CDK5RAP2: variants seen among roughly 807,000 people sequenced by gnomAD.
CDK5RAP2 encodes CDK5 regulatory subunit associated protein 2.
In CDK5RAP2, 147 loss-of-function variants were observed where a neutral mutation model predicts 232.9. That is an observed-to-expected ratio of 0.63 (90% confidence interval 0.55 to 0.72). The LOEUF is 0.72. Among genes scored for constraint, CDK5RAP2 ranks in the 30% least tolerant of loss-of-function variants. The pLI is 0.00. For missense variants in CDK5RAP2, 2,195 were observed against 2,231.5 expected (o/e 0.98, Z 0.33); for synonymous variants, 833 against 833.7 (o/e 1.00, Z 0.01).
Position 120,403,785 on chromosome 9 carries a change from T to TCA in CDK5RAP2, c.5041+249_5041+250dup. 1 of 536,364 alleles carries TCA rather than the reference T, an allele frequency of 1.9e-6. No individual in the cohort carries two copies. 33.2% of individuals were successfully genotyped at this position (536,364 alleles called of 1,614,324 possible). ...TGGATCCTGGAGGGCCTTGAAAGCC[T>TCA]CACAAAGGTGGTCACAATTTTAATC... On this transcript the variant is annotated intron_variant, in intron 33 of 37. Coordinates refer to ENST00000349780, the MANE Select transcript of CDK5RAP2 (RefSeq NM_018249.6). This position sits in a 1 kb window ranked among gnomAD's most constrained non-coding sequence, Gnocchi z 4.2.
At chr9:120,506,751 A>T (rs1331177972) in intron 12 of CDK5RAP2, among the ~76,000 whole-genome samples, 1 of 152,220 alleles carries the variant, frequency 6.6e-6, no homozygotes, top group Non-Finnish European at 1.5e-5. Context: ...GAATTGCTGC[A>T]ATCTCATGAT....
At position 120,439,562 on chromosome 9, in the gene CDK5RAP2, C is replaced by A. The variant is rs372855873; in HGVS notation, c.3559G>T (p.Gly1187Cys). ...TCAATCATCTCTGGGGCCAGCGGACCGAGGATTTTCACGTGTTTCACGTAT... is the reference window on the plus strand; with the variant it reads ...TCAATCATCTCTGGGGCCAGCGGACAGAGGATTTTCACGTGTTTCACGTAT... ...VRYVKHVKIL[G>C]PLAPEMIDSR... is the part of the protein sequence containing the mutation. Residue 1187 changes from glycine (G) to cysteine (C), a missense_variant, in exon 24 of 38, where the codon GGT (glycine) becomes TGT (cysteine). Physicochemically the swap from Gly to Cys is radical, Grantham distance 159 (BLOSUM62 -3). Coordinates refer to ENST00000349780, the MANE Select transcript of CDK5RAP2 (RefSeq NM_018249.6). 1.2e-6 allele frequency: 2 copies of A among 1,614,204 alleles called. No homozygotes were observed. Among genetic ancestry groups the A allele is most frequent in the Non-Finnish European group, 1.7e-6 (2 of 1,180,040 alleles).
intron 28 of CDK5RAP2, among the ~76,000 whole-genome samples, chr9:120,412,431 T>C (rs1250608236): frequency 6.6e-6 from 1 of 152,194 alleles, no homozygotes; most frequent in Non-Finnish European, 1.5e-5. Flanking sequence ...CTCTGGCCAA[T>C]TGGGCCTGAC....
intron 25 of CDK5RAP2, among the ~76,000 whole-genome samples, chr9:120,424,783 T>C (rs981514970): frequency 8.6e-5 from 13 of 150,732 alleles, no homozygotes; most frequent in African/African-American, 2.2e-4. Context: ...TACTGCAACC[T>C]CTGCCTCCTG....
intron 35 of CDK5RAP2, among the ~76,000 whole-genome samples, chr9:120,399,258 C>T (rs1361503353): frequency 6.6e-6 from 1 of 152,066 alleles, no homozygotes; most frequent in Non-Finnish European, 1.5e-5. Context: ...GTCTATGTAA[C>T]AGTTACTACA....
intron 21 of CDK5RAP2, among the ~76,000 whole-genome samples, chr9:120,449,879 AAGCGG>A (rs1236167697): frequency 6.6e-6 from 1 of 152,238 alleles, no homozygotes; most frequent in Non-Finnish European, 1.5e-5. Context: ...AGTGTTGATG[AAGCGG>A]AGAAATTGGA....
intron 23 of CDK5RAP2, chr9:120,440,353 G>A (rs1270725289): frequency 6.9e-6 from 2 of 291,882 alleles, no homozygotes; most frequent in Admixed American, 9.4e-5. Flanking sequence ...CACCACTCTG[G>A]AGATTTCCTA....
At chr9:120,487,182 T>A in intron 14 of CDK5RAP2, 112 bp downstream of exon 14, 1 of 1,166,504 alleles carries the variant, frequency 8.6e-7, no homozygotes, top group East Asian at 2.3e-5. Flanking sequence ...GTAGGCTCAG[T>A]TACCAACAAG....
intron 2 of CDK5RAP2, chr9:120,571,697 T>A: frequency 2.3e-6 from 1 of 428,650 alleles, no homozygotes; most frequent in South Asian, 2.1e-5. Context: ...TCCGTGCAGT[T>A]GTTCAGTTCA....
intron 31 of CDK5RAP2, chr9:120,408,066 C>A: frequency 2.2e-6 from 1 of 463,788 alleles, no homozygotes; most frequent in Non-Finnish European, 4.0e-6. Context: ...TAGGTATGGG[C>A]TCAAAGGGTG....
At chr9:120,505,962 G>A (rs1373828947) in intron 12 of CDK5RAP2, among the ~76,000 whole-genome samples, 2 of 152,240 alleles carry the variant, frequency 1.3e-5, no homozygotes, top group African/African-American at 4.8e-5. Flanking sequence ...TCATCCAAGA[G>A]ATCTAAGATA....
rs781701751 is a variant in CDK5RAP2, at chr9:120,448,034, C to G, written c.2886G>C (p.Thr962=). 6 of 1,614,056 alleles carry G rather than the reference C, an allele frequency of 3.7e-6. No individual in the cohort carries two copies. The highest frequency in any genetic ancestry group is 1.1e-5 in the South Asian group (1 of 91,084). ...YRLPATQEVV[T]QLQSQILELQ... is the part of the protein sequence containing the mutation. ...GCTCCAAGATCTGGCTCTGCAGCTG[C>G]GTCACCACCTCCTGGGTGGCAGGGA... Residue 962 remains threonine, a synonymous_variant, in exon 22 of 38, where the codon ACG becomes ACC. Coordinates refer to ENST00000349780, the MANE Select transcript of CDK5RAP2 (RefSeq NM_018249.6).
At chr9:120,467,017 A>C (rs1455791004) in intron 18 of CDK5RAP2, among the ~76,000 whole-genome samples, 1 of 152,220 alleles carries the variant, frequency 6.6e-6, no homozygotes, top group South Asian at 2.1e-4. Context: ...CGCATGAAGC[A>C]AGGTGCTTCC....
At chr9:120,471,398 T>C (rs1015432463) in intron 16 of CDK5RAP2, among the ~76,000 whole-genome samples, 1 of 152,128 alleles carries the variant, frequency 6.6e-6, no homozygotes, top group Non-Finnish European at 1.5e-5. Context: ...CTGCAATAGG[T>C]GCTGTGGTAG....
chr9:120,478,928 GTA>G (rs906059132), intron 14 of CDK5RAP2, among the ~76,000 whole-genome samples: 1 of 152,076 alleles, frequency 6.6e-6, no homozygotes, highest in Non-Finnish European at 1.5e-5. Flanking sequence ...ATTTCACAAT[GTA>G]TATATATATC....
At chr9:120,429,533 T>C (rs2035143033) in intron 25 of CDK5RAP2, among the ~76,000 whole-genome samples, 2 of 152,124 alleles carry the variant, frequency 1.3e-5, no homozygotes, top group African/African-American at 4.8e-5. Context: ...AATAAAATAC[T>C]TAGGAATTCA....
intron 25 of CDK5RAP2, among the ~76,000 whole-genome samples, chr9:120,434,616 AT>A (rs1324074165): frequency 1.3e-5 from 2 of 152,000 alleles, no homozygotes; most frequent in Non-Finnish European, 2.9e-5. Flanking sequence ...GGCAGCAATA[AT>A]TGGTGGTGAG....
intron 15 of CDK5RAP2, among the ~76,000 whole-genome samples, chr9:120,474,490 A>C (rs1254788036): frequency 5.9e-5 from 9 of 152,154 alleles, no homozygotes; most frequent in Non-Finnish European, 1.3e-4. Context: ...ATGACAAAAA[A>C]ATTATCCAGC....
In CDK5RAP2 at chr9:120,553,572, C is replaced by A. The variant is rs148284530; in HGVS notation, c.196-2670G>T. Among the ~76,000 whole-genome samples the A allele has an allele frequency of 3.6e-3, 541 of 152,144 alleles. 7 individuals carry two copies. The highest frequency in any genetic ancestry group is 0.012 in the African/African-American group (509 of 41,514). ...TTAAATTAGTCCAGGATGATGGTTA[C>A]CTTTGGGGAGGAAAAGTGCATAGTG... On this transcript the variant is annotated intron_variant, in intron 3 of 37. Transcript: ENST00000349780.
Sources: gnomAD v4.1 joint callset for allele counts (sites outside exome capture counted in the v4.1 genomes callset) on GRCh38, gnomAD v4.1.1 for gene constraint, Gnocchi (gnomAD v3.1) non-coding constraint, MANE v1.5 for transcripts, NCBI Gene and HGNC (gene_info 2026-07-23, HGNC 2026-07-21) for gene names.